The following IGSF5 variants were observed in gnomAD, a reference collection of about 807,000 sequenced individuals.
IGSF5 encodes the protein immunoglobulin superfamily member 5.
In IGSF5, 41 loss-of-function variants were observed where a neutral mutation model predicts 39.4. That is an observed-to-expected ratio of 1.04 (90% CI 0.81 to 1.35). The LOEUF is 1.35. Ranked by LOEUF, IGSF5 falls within the 40% of genes most tolerant of loss-of-function variation. IGSF5 has a pLI of 0.00. For missense variants in IGSF5, 487 were observed against 494.6 expected (o/e 0.98, Z 0.15); for synonymous variants, 183 against 175.3 (o/e 1.04, Z -0.34).
At chr21:39,741,050 G>A (rs189922629), upstream of IGSF5, among the ~76,000 whole-genome samples, 55 of 151,946 alleles carry the variant, frequency 3.6e-4, no homozygotes, top group South Asian at 8.3e-4. Flanking sequence ...TTGCAAACTC[G>A]TCCCTCAGAC....
chr21:39,749,122 G>C (rs143606507), intron 2 of IGSF5, among the ~76,000 whole-genome samples: 2 of 152,156 alleles, frequency 1.3e-5, no homozygotes, highest in African/African-American at 2.4e-5. Context: ...GAGTTAAAAG[G>C]CTTATATATC....
chr21:39,724,959 C>T, the IGSF5 span, among the ~76,000 whole-genome samples: 6 of 152,188 alleles, frequency 3.9e-5, no homozygotes, highest in South Asian at 2.1e-4. Context: ...GTGGCTGCAA[C>T]GAATCCTGAT....
chr21:39,796,632 CCCAGGCCCAGAG>C (rs1899017147), intron 8 of IGSF5, among the ~76,000 whole-genome samples: 1 of 152,194 alleles, frequency 6.6e-6, no homozygotes, highest in African/African-American at 2.4e-5. Context: ...ACACAGGCCT[CCCAGGCCCAGAG>C]CTGGGGCCCA....
chr21:39,762,682 T>C (rs527302884), intron 2 of IGSF5, among the ~76,000 whole-genome samples: 1 of 152,256 alleles, frequency 6.6e-6, no homozygotes, highest in African/African-American at 2.4e-5. Context: ...AAATAAAACA[T>C]ATTGGGGGTT....
the IGSF5 span, among the ~76,000 whole-genome samples, chr21:39,733,894 CCAAATTT>C: frequency 6.6e-6 from 1 of 152,150 alleles, no homozygotes; most frequent in Non-Finnish European, 1.5e-5. Flanking sequence ...GCCTCTGTGA[CCAAATTT>C]CTCTCTTCTT....
chr21:39,779,126 C>T lies in IGSF5; in HGVS notation c.755C>T (p.Ser252Leu). 1 of 1,613,382 alleles carries T rather than the reference C, an allele frequency of 6.2e-7. No individual in the cohort carries two copies. Among genetic ancestry groups the T allele is most frequent in the Non-Finnish European group, 8.5e-7 (1 of 1,179,428 alleles). The stretch of plus-strand genomic sequence containing the variant: ...GGTATTAATATTCCAGGTGTATTAT[C>T]AAGTTTACCGAGTTTAGGTTTTTCA... ...GGGINIPGVL[S>L]SLPSLGFSLP... Residue 252 changes from serine (S) to leucine (L), a missense_variant, in exon 5 of 9, where the codon TCA becomes TTA. Coordinates refer to ENST00000380588, the MANE Select transcript of IGSF5 (RefSeq NM_001080444.2).
intron 3 of IGSF5, 75 bp downstream of exon 3, chr21:39,765,927 C>A: frequency 1.5e-6 from 2 of 1,366,060 alleles, no homozygotes; most frequent in Non-Finnish European, 2.0e-6. Context: ...AAAGTTCATG[C>A]CGCGTATGAT....
At chr21:39,718,929 G>A in the IGSF5 span, among the ~76,000 whole-genome samples, 1 of 152,236 alleles carries the variant, frequency 6.6e-6, no homozygotes, top group South Asian at 2.1e-4. Context: ...AGTGGTACCA[G>A]CTCTTCTTTG....
intron 2 of IGSF5, among the ~76,000 whole-genome samples, chr21:39,750,195 A>G (rs373986085): frequency 2.6e-5 from 4 of 152,082 alleles, no homozygotes; most frequent in African/African-American, 7.2e-5. Flanking sequence ...CACACCTTCA[A>G]CTGGAAGGAA....
At chr21:39,764,134 G>C (rs920861775) in intron 2 of IGSF5, among the ~76,000 whole-genome samples, 10 of 152,060 alleles carry the variant, frequency 6.6e-5, no homozygotes, top group African/African-American at 2.4e-4. Flanking sequence ...CCTCCACCCT[G>C]GCATCCTCGC....
intron 2 of IGSF5, among the ~76,000 whole-genome samples, chr21:39,764,156 G>T (rs2080074251): frequency 6.6e-6 from 1 of 152,120 alleles, no homozygotes; most frequent in Non-Finnish European, 1.5e-5. Context: ...TCCTGGTCCT[G>T]CTTATGGAGG....
At chr21:39,761,931 G>A (rs1382775749) in intron 2 of IGSF5, among the ~76,000 whole-genome samples, 1 of 152,154 alleles carries the variant, frequency 6.6e-6, no homozygotes, top group African/African-American at 2.4e-5. Context: ...ACCTCCCAAA[G>A]TGCTAAGATT....
the IGSF5 span, among the ~76,000 whole-genome samples, chr21:39,730,929 C>T: frequency 6.6e-6 from 1 of 152,176 alleles, no homozygotes; most frequent in Non-Finnish European, 1.5e-5. Flanking sequence ...CAAAAGGCCC[C>T]AAAATGAATG....
At chr21:39,757,287 G>T (rs2080036031) in intron 2 of IGSF5, among the ~76,000 whole-genome samples, 1 of 149,000 alleles carries the variant, frequency 6.7e-6, no homozygotes. Context: ...CTTTCCTTTT[G>T]AGAATGTGAG....
At chr21:39,770,840 AAG>A (rs1171913517) in intron 3 of IGSF5, 74 bp from the exon 4 acceptor site, 1 of 1,127,868 alleles carries the variant, frequency 8.9e-7, no homozygotes, top group Non-Finnish European at 1.2e-6. Flanking sequence ...TAAAAAAAAA[AAG>A]AAAAAAAAAA....
chr21:39,717,305 T>G, the IGSF5 span, among the ~76,000 whole-genome samples: 1 of 152,368 alleles, frequency 6.6e-6, no homozygotes, highest in East Asian at 1.9e-4. Context: ...ATGTTTACTC[T>G]GTTGATAGTT....
chr21:39,783,697 T>G (rs773637263), intron 5 of IGSF5, among the ~76,000 whole-genome samples: 4 of 152,220 alleles, frequency 2.6e-5, no homozygotes, highest in Non-Finnish European at 4.4e-5. Context: ...ATTGTTTCTT[T>G]TGCTGTGCAG....
At chr21:39,775,362 ATTGATTCGGAGATCTC>A (rs1454865191) in intron 4 of IGSF5, among the ~76,000 whole-genome samples, 3 of 152,256 alleles carry the variant, frequency 2.0e-5, no homozygotes, top group East Asian at 3.9e-4. Flanking sequence ...CATTCACACT[ATTGATTCGGAGATCTC>A]TTGTGTCGCC....
chr21:39,796,776 A>G (rs1569260936), intron 8 of IGSF5, among the ~76,000 whole-genome samples: 1 of 152,234 alleles, frequency 6.6e-6, no homozygotes, highest in Non-Finnish European at 1.5e-5. Flanking sequence ...TTAGACTGAA[A>G]GATCCCAAGC....
Sources: allele counts gnomAD v4.1 joint callset (sites outside exome capture counted in the v4.1 genomes callset), GRCh38; gene constraint gnomAD v4.1.1; transcripts MANE v1.5; gene names NCBI Gene and HGNC (gene_info 2026-07-23, HGNC 2026-07-21).